The following WWOX variants were observed in gnomAD, a reference collection of about 807,000 sequenced individuals.
WWOX encodes the protein WW domain containing oxidoreductase.
In WWOX, 69 loss-of-function variants were observed where a neutral mutation model predicts 46.2. The observed-to-expected ratio is 1.49, with a 90% CI of 1.23 to 1.82. WWOX has a LOEUF of 1.82. Ranked by LOEUF, WWOX falls within the 40% of genes most tolerant of loss-of-function variation. The pLI, the probability that WWOX is intolerant of heterozygous loss-of-function variation, is 0.00. For missense variants in WWOX, 919 were observed against 542.6 expected, an observed-to-expected ratio of 1.69 and a Z score of -6.89; for synonymous variants, 359 against 202.6, an observed-to-expected ratio of 1.77 and a Z score of -6.56.
chr16:79,101,339 A>G (rs2049188619), intron 8 of WWOX: 1 of 152,194 alleles, frequency 6.6e-6, no homozygotes, highest in Admixed American at 6.5e-5. Context: ...TGCTGACACA[A>G]GATCGTTCGC....
chr16:78,360,609 ATAGC>A (rs1243784035), intron 5 of WWOX, among the ~76,000 whole-genome samples: 13 of 100,186 alleles, frequency 1.3e-4, no homozygotes, highest in African/African-American at 2.5e-4. Context: ...AGTTGCAGAA[ATAGC>A]AATATTTCAC....
intron 8 of WWOX, among the ~76,000 whole-genome samples, chr16:78,669,027 C>T (rs142391764): frequency 1.3e-5 from 2 of 152,146 alleles, no homozygotes; most frequent in African/African-American, 2.4e-5. Context: ...GAACGGCTTC[C>T]TGAATAATAC....
At position 79,185,663 on chromosome 16, in the gene WWOX, C is replaced by T. The variant is rs138090419; in HGVS notation, c.1057-25945C>T. ...CTTTTGTCAAACACCTGCCGATGAG[C>T]GTTTGGCAGAGCCTGTGCTAAGACA... is the stretch of plus-strand genomic sequence containing the variant. On this transcript the variant is annotated intron_variant, in intron 8 of 8. Transcript: ENST00000566780. Among the ~76,000 whole-genome samples, 588 of 152,138 alleles carry T rather than the reference C, an allele frequency of 3.9e-3. 5 individuals carry two copies. The highest frequency in any genetic ancestry group is 0.015 in the South Asian group (72 of 4,810).
intron 8 of WWOX, among the ~76,000 whole-genome samples, chr16:78,792,206 T>C: frequency 6.6e-6 from 1 of 152,162 alleles, no homozygotes; most frequent in East Asian, 1.9e-4. Flanking sequence ...GAGGTGACCT[T>C]GGCTAAGCTC....
intron 8 of WWOX, among the ~76,000 whole-genome samples, chr16:79,164,410 G>C (rs1248382423): frequency 6.6e-6 from 1 of 152,172 alleles, no homozygotes; most frequent in Non-Finnish European, 1.5e-5. Context: ...CCGACAGGCT[G>C]CCCTTGTGCC....
At chr16:78,255,017 G>C (rs2038089921) in intron 5 of WWOX, among the ~76,000 whole-genome samples, 1 of 152,224 alleles carries the variant, frequency 6.6e-6, no homozygotes, top group African/African-American at 2.4e-5. Flanking sequence ...GAGCAGTTCA[G>C]GATGTGTTTC....
At chr16:79,115,278 T>C (rs1469867653) in intron 8 of WWOX, among the ~76,000 whole-genome samples, 1 of 152,248 alleles carries the variant, frequency 6.6e-6, no homozygotes, top group Non-Finnish European at 1.5e-5. Context: ...GCATGTAGCC[T>C]GTCTCATATG....
intron 8 of WWOX, among the ~76,000 whole-genome samples, chr16:78,751,461 TTATA>T (rs71140824): frequency 0.014 from 1,761 of 128,412 alleles, 39 homozygotes; most frequent in African/African-American, 0.045. Flanking sequence ...TTATCAGATT[TTATA>T]TATATATATA....
rs2084017232 is a variant in WWOX, at chr16:78,464,075, G to C, written c.1056+31323G>C. On this transcript the variant is annotated intron_variant, in intron 8 of 8. Coordinates refer to ENST00000566780, the MANE Select transcript of WWOX (RefSeq NM_016373.4). ...AGCTGATCAGAGCACACCCACACCA[G>C]TGACAACCGGTCAGGACCTGGGAAG... is the stretch of plus-strand genomic sequence containing the variant. 4.6e-5 allele frequency among the ~76,000 whole-genome samples: 7 copies of C among 152,278 alleles called. No individual in the cohort carries two copies. In the South Asian group the frequency reaches 1.4e-3, roughly 32 times the overall value.
At chr16:79,193,754 C>A (rs972610390) in intron 8 of WWOX, among the ~76,000 whole-genome samples, 1 of 152,162 alleles carries the variant, frequency 6.6e-6, no homozygotes, top group Admixed American at 6.5e-5. Flanking sequence ...TTTAGGATAC[C>A]TGAAGATTGC....
intron 5 of WWOX, among the ~76,000 whole-genome samples, chr16:78,293,427 G>C (rs1021869107): frequency 6.6e-6 from 1 of 152,130 alleles, no homozygotes; most frequent in Non-Finnish European, 1.5e-5. Flanking sequence ...GGATAACCTA[G>C]CATCATTTCG....
intron 8 of WWOX, among the ~76,000 whole-genome samples, chr16:78,921,354 G>C (rs1023619499): frequency 6.6e-6 from 1 of 152,122 alleles, no homozygotes; most frequent in African/African-American, 2.4e-5. Flanking sequence ...CATAATTTCA[G>C]CACCTGCTGA....
chr16:78,821,899 A>G (rs903113799), intron 8 of WWOX, among the ~76,000 whole-genome samples: 13 of 152,120 alleles, frequency 8.5e-5, no homozygotes, highest in African/African-American at 3.1e-4. Flanking sequence ...TTTTTTTAAG[A>G]GACAGAATCT....
At chr16:78,825,943 C>A (rs1382627295) in intron 8 of WWOX, 3 of 809,722 alleles carry the variant, frequency 3.7e-6, no homozygotes, top group Non-Finnish European at 5.9e-6. Context: ...CCACTCCCAT[C>A]TCAGAACAGA....
intron 8 of WWOX, among the ~76,000 whole-genome samples, chr16:78,702,120 A>ATATATATATATATTTATTTATT (rs1207718237): frequency 3.1e-5 from 4 of 130,016 alleles, no homozygotes; most frequent in African/African-American, 1.3e-4. Context: ...ATATATATAT[A>ATATATATATATATTTATTTATT]TATTTATTTA....
At chr16:79,059,583 C>T (rs370975267) in intron 8 of WWOX, among the ~76,000 whole-genome samples, 75 of 152,262 alleles carry the variant, frequency 4.9e-4, no homozygotes, top group African/African-American at 1.6e-3. Flanking sequence ...CTCCGCCTTC[C>T]GGGTTCAAGT....
At chr16:78,695,795 G>GGT (rs1370063749) in intron 8 of WWOX, among the ~76,000 whole-genome samples, 2 of 152,222 alleles carry the variant, frequency 1.3e-5, no homozygotes, top group Non-Finnish European at 2.9e-5. Flanking sequence ...ATTGAGCATT[G>GGT]ACCAGGTGCC....
At chr16:79,070,367 G>A (rs1212709830) in intron 8 of WWOX, among the ~76,000 whole-genome samples, 1 of 151,854 alleles carries the variant, frequency 6.6e-6, no homozygotes, top group Admixed American at 6.6e-5. Context: ...AGTAAATTGT[G>A]CTTTTAAAGT....
chr16:78,765,770 C>G (rs960106646), intron 8 of WWOX, among the ~76,000 whole-genome samples: 1 of 152,174 alleles, frequency 6.6e-6, no homozygotes, highest in Non-Finnish European at 1.5e-5. Context: ...GGAGAGAAAA[C>G]AGAGGCAAAA....
Sources: gnomAD v4.1 joint callset for allele counts (sites outside exome capture counted in the v4.1 genomes callset) on GRCh38, gnomAD v4.1.1 for gene constraint, MANE v1.5 for transcripts, NCBI Gene and HGNC (gene_info 2026-07-23, HGNC 2026-07-21) for gene names.